The following TNS2 variants were observed in gnomAD, a reference collection of about 807,000 sequenced individuals.
The protein encoded by TNS2 is tensin-2.
Under a neutral mutation model 155.7 loss-of-function variants are expected in TNS2, and 77 were observed. That is an observed-to-expected ratio of 0.49 (90% CI 0.41 to 0.60). TNS2 has a LOEUF of 0.60. TNS2 is among the 20% of genes least tolerant of loss of function. TNS2 has a pLI of 0.00. For synonymous variants in TNS2, 726 were observed against 763.9 expected (o/e 0.95, Z 0.82); for missense variants, 1,703 against 1,868.8 (o/e 0.91, Z 1.64).
At position 53,057,608 on chromosome 12, in the gene TNS2, G is replaced by T. The variant is rs1944205186; in HGVS notation, c.887G>T (p.Arg296Ile). Residue 296 changes from arginine to isoleucine, a missense_variant, in exon 12 of 29, where the codon AGA (arginine) becomes ATA (isoleucine). Transcript: ENST00000314250. ...AGTGGGCTGCTATCTGGCTCCATCA[G>T]AATGAACAGCAGCCCTCTCTTCCTG... ...YFSGLLSGSI[R>I]MNSSPLFLHY... The T allele has an allele frequency of 6.2e-7, 1 of 1,613,828 alleles. No homozygotes were observed. Among genetic ancestry groups the T allele is most frequent in the Non-Finnish European group, 8.5e-7 (1 of 1,179,886 alleles).
rs151178618 is a variant in TNS2 at position 53,060,736 on chromosome 12, G to A, written c.2830G>A (p.Glu944Lys). The change falls in exon 20 of 29, where the codon GAG (glutamate) becomes AAG (lysine). Residue 944 changes from glutamate to lysine, a missense_variant. Transcript: ENST00000314250. The surrounding 1 kb of genome is among the most constrained non-coding windows in gnomAD (Gnocchi z 6.1). ...SAPTQRLSPG[E>K]ALPPVSQAGT... ...GCCCACTCAGAGACTGAGTCCTGGC[G>A]AGGCCTTGCCCCCTGTTTCCCAGGC... 13 of 1,608,392 alleles carry A rather than the reference G, an allele frequency of 8.1e-6. No homozygotes were observed. Among genetic ancestry groups the A allele is most frequent in the East Asian group, 4.5e-5 (2 of 44,832 alleles).
intron 1 of TNS2, 128 bp from the exon 2 acceptor site, chr12:53,051,727 T>C: frequency 1.4e-6 from 1 of 710,028 alleles, no homozygotes; most frequent in Non-Finnish European, 2.4e-6. Flanking sequence ...AAGTGCGTCC[T>C]ACAAGTTTGA....
In TNS2 at chr12:53,055,580, G is replaced by T. The variant is rs765500496; in HGVS notation, c.586G>T (p.Gly196Cys). ...GCATTCTCCCCAGGTTCAAGACTTC[G>T]GCTGGCCTGAGCTGCATGCTCCACC... ...TRLNPKVQDFGWPELHAPPLD... is the reference protein window; with the variant it reads ...TRLNPKVQDFCWPELHAPPLD... Residue 196 changes from glycine (G) to cysteine (C), a missense_variant, in exon 9 of 29, where the codon GGC (glycine) becomes TGC (cysteine). Coordinates refer to ENST00000314250, the MANE Select transcript of TNS2 (RefSeq NM_170754.4). The T allele has an allele frequency of 3.7e-6, 6 of 1,604,848 alleles. No homozygotes were observed. The highest frequency in any genetic ancestry group is 5.1e-6 in the Non-Finnish European group (6 of 1,173,032).
chr12:53,055,860 G>T lies in TNS2; in HGVS notation c.761+15G>T. 6.2e-7 allele frequency: 1 copy of T among 1,603,702 alleles called. No homozygotes were observed. Among genetic ancestry groups the T allele is most frequent in the Non-Finnish European group, 8.5e-7 (1 of 1,173,574 alleles). ...ATCTCTGCAGGGTGAGGCTCCCAGC[G>T]CCTGAGTAGCTGCTTCCCCAGTGGC... On this transcript the variant is annotated intron_variant, in intron 10 of 28. Transcript: ENST00000314250.
chr12:53,049,185 G>C, upstream of TNS2: 1 of 1,596,022 alleles, frequency 6.3e-7, no homozygotes, highest in Non-Finnish European at 8.5e-7. Flanking sequence ...GGGACCTCCT[G>C]TCCAGTCCTC....
Position 53,058,748 on chromosome 12 carries a change from C to T in TNS2, c.1326C>T (p.Val442=), listed in dbSNP as rs142054380. The change falls in exon 17 of 29, where the codon GTC becomes GTT. Residue 442 remains valine, a synonymous_variant. Coordinates refer to ENST00000314250, the MANE Select transcript of TNS2 (RefSeq NM_170754.4). ...CACGGAACGACCCCTCGGTCTCTGT[C>T]GACTACAACACCACTGAGCCAGCCG... ...STPRNDPSVS[V]DYNTTEPAVR... 68 of 1,613,980 alleles carry T rather than the reference C, an allele frequency of 4.2e-5. No homozygotes were observed. The African/African-American group carries it at 8.3e-4, about 20-fold the overall frequency.
chr12:53,058,538 AG>A, intron 15 of TNS2, 33 bp from the exon 16 acceptor site: 1 of 1,613,940 alleles, frequency 6.2e-7, no homozygotes, highest in Non-Finnish European at 8.5e-7. Context: ...GGTATGGGCC[AG>A]GGGCCTGGTT....
intron 1 of TNS2, among the ~76,000 whole-genome samples, chr12:53,051,173 G>C (rs967557932): frequency 6.6e-6 from 1 of 152,192 alleles, no homozygotes; most frequent in African/African-American, 2.4e-5. Context: ...CAAGTGCCAG[G>C]GTGCAGGGGG....
At chr12:53,049,350 A>G, upstream of TNS2, 1 of 996,594 alleles carries the variant, frequency 1.0e-6, no homozygotes, top group Non-Finnish European at 1.5e-6. Flanking sequence ...CTGTGAGATC[A>G]TGTCTGAAAC....
chr12:53,057,546 C>T (rs746777921), intron 11 of TNS2, 21 bp from the exon 12 acceptor site: 1 of 1,585,396 alleles, frequency 6.3e-7, no homozygotes, highest in East Asian at 2.2e-5. Context: ...CTTATGTTCT[C>T]CTTGACACGC....
Position 53,060,830 on chromosome 12 carries a change from C to G in TNS2, c.2924C>G (p.Ser975Cys). The stretch of plus-strand genomic sequence containing the variant: ...GAGCCTCTGGCCCCTAGCCCAGTCT[C>G]TCCGACCTTCCCTCCCAGCTCGCCC... ...GPEPLAPSPV[S>C]PTFPPSSPSD... Residue 975 changes from serine (S) to cysteine (C), a missense_variant, in exon 20 of 29, where the codon TCT (serine) becomes TGT (cysteine). Coordinates refer to ENST00000314250, the MANE Select transcript of TNS2 (RefSeq NM_170754.4). This position sits in a 1 kb window ranked among gnomAD's most constrained non-coding sequence, Gnocchi z 6.1. 1 of 1,604,864 alleles carries G rather than the reference C, an allele frequency of 6.2e-7. No homozygotes were observed. The highest frequency in any genetic ancestry group is 8.5e-7 in the Non-Finnish European group (1 of 1,173,568).
rs752823501 is a variant in TNS2, at chr12:53,061,147, G to C, written c.3241G>C (p.Gly1081Arg). The C allele has an allele frequency of 4.4e-6, 7 of 1,608,972 alleles. No individual in the cohort carries two copies. The highest frequency in any genetic ancestry group is 1.1e-5 in the South Asian group (1 of 90,390). The change falls in exon 20 of 29, where the codon GGG (glycine) becomes CGG (arginine). Residue 1081 changes from glycine to arginine, a missense_variant. Transcript: ENST00000314250. ...ACTTCCTGAGAAACGCCACCTGCCC[G>C]GGCCGGGGCAACAGCCAGGACCCTG... Reference protein sequence around the residue: ...PPLPEKRHLPGPGQQPGPWGP... With the variant: ...PPLPEKRHLPRPGQQPGPWGP...
rs1944472755 is a variant in TNS2 at position 53,064,171 on chromosome 12, AC to A, written c.*291del. The A allele has an allele frequency of 2.6e-6, 1 of 377,850 alleles. No homozygotes were observed. Among genetic ancestry groups the A allele is most frequent in the Non-Finnish European group, 4.8e-6 (1 of 206,792 alleles). 23.4% of individuals were successfully genotyped at this position (377,850 alleles called of 1,614,324 possible). A position where few individuals can be genotyped will look rare whatever the true frequency, so the allele number is the denominator to read the frequency against. On this transcript the variant is annotated 3_prime_UTR_variant, in exon 29 of 29. Transcript: ENST00000314250. ...GCCCCGAAGGAGATCAGGCAGCCCC[AC>A]CTGCAGGAGAACGTCAGCCCTCCAG...
At position 53,061,452 on chromosome 12, in the gene TNS2, A is replaced by G; in HGVS notation, c.3431A>G (p.His1144Arg). The G allele has an allele frequency of 1.2e-6, 2 of 1,613,922 alleles. No individual in the cohort carries two copies. The highest frequency in any genetic ancestry group is 1.7e-6 in the Non-Finnish European group (2 of 1,179,970). ...ACATCCAAGTTCTGGTACAAGCCACACCTGTCCCGTGACCAAGGTGAGAAG... is the reference window on the plus strand; with the variant it reads ...ACATCCAAGTTCTGGTACAAGCCACGCCTGTCCCGTGACCAAGGTGAGAAG... ...QDTSKFWYKP[H>R]LSRDQAIALL... Residue 1144 changes from histidine to arginine, a missense_variant, in exon 21 of 29, where the codon CAC (histidine) becomes CGC (arginine). Transcript: ENST00000314250.
chr12:53,063,686 AG>A lies in TNS2; in HGVS notation c.4092-57del. 1.9e-6 allele frequency: 3 copies of A among 1,614,076 alleles called. No individual in the cohort carries two copies. The South Asian group carries it at 3.3e-5, about 18-fold the overall frequency. On this transcript the variant is annotated intron_variant, in intron 28 of 28. Coordinates refer to ENST00000314250, the MANE Select transcript of TNS2 (RefSeq NM_170754.4). The surrounding 1 kb of genome is among the most constrained non-coding windows in gnomAD (Gnocchi z 5.6). ...GCATTTGATTTGTCTCACCAAGGCC[AG>A]CTACATTCCCTTGTGGAAGGAATGT...
chr12:53,059,031 C>T lies in TNS2; in HGVS notation c.1406-16C>T. ...TCCCCGCTTGCCCTCCCTCCCTGAT[C>T]CTCTTCCCCACTCAGGCTCCTTGAC... On this transcript the variant is annotated splice_polypyrimidine_tract_variant and intron_variant, in intron 17 of 28. Transcript: ENST00000314250. The surrounding 1 kb of genome is among the most constrained non-coding windows in gnomAD (Gnocchi z 4.7). 1 of 1,537,764 alleles carries T rather than the reference C, an allele frequency of 6.5e-7. No homozygotes were observed. Among genetic ancestry groups the T allele is most frequent in the Non-Finnish European group, 8.8e-7 (1 of 1,142,294 alleles).
chr12:53,055,668 A>G lies in TNS2; in HGVS notation c.674A>G (p.His225Arg), dbSNP rs556541486. The G allele has an allele frequency of 6.2e-7, 1 of 1,614,174 alleles. No individual in the cohort carries two copies. Among genetic ancestry groups the G allele is most frequent in the South Asian group, 1.1e-5 (1 of 91,086 alleles). ...METWLSADPQ[H>R]VVVLYCKGNK... is the part of the protein sequence containing the mutation. ...ACATGGCTCAGTGCTGACCCACAGC[A>G]CGTGGTCGTACTATACTGCAAGGTG... The change falls in exon 9 of 29, where the codon CAC becomes CGC. Residue 225 changes from histidine to arginine, a missense_variant. Physicochemically the swap from His to Arg is conservative, Grantham distance 29. Transcript: ENST00000314250.
In TNS2 at chr12:53,053,469, G is replaced by C; in HGVS notation, c.261+20G>C. The C allele has an allele frequency of 6.2e-7, 1 of 1,613,832 alleles. No homozygotes were observed. The highest frequency in any genetic ancestry group is 2.2e-5 in the East Asian group (1 of 44,870). ...GAGTTGGTGAGTGCGCTCTGGGATG[G>C]GGTGGGGAGGGCAAGGAACCTGGCC... On this transcript the variant is annotated intron_variant, in intron 4 of 28. Transcript: ENST00000314250.
At position 53,055,658 on chromosome 12, in the gene TNS2, G is replaced by T. The variant is rs938549690; in HGVS notation, c.664G>T (p.Asp222Tyr). 2.5e-6 allele frequency: 4 copies of T among 1,613,992 alleles called. No individual in the cohort carries two copies. The African/African-American group carries it at 5.3e-5, about 22-fold the overall frequency. ...CKAMETWLSADPQHVVVLYCK... is the reference protein window; with the variant it reads ...CKAMETWLSAYPQHVVVLYCK... ...AGCCATGGAGACATGGCTCAGTGCTGACCCACAGCACGTGGTCGTACTATA... is the reference window on the plus strand; with the variant it reads ...AGCCATGGAGACATGGCTCAGTGCTTACCCACAGCACGTGGTCGTACTATA... The change falls in exon 9 of 29, where the codon GAC becomes TAC. Residue 222 changes from aspartate (D) to tyrosine (Y), a missense_variant. Physicochemically the swap from Asp to Tyr is radical, Grantham distance 160. Coordinates refer to ENST00000314250, the MANE Select transcript of TNS2 (RefSeq NM_170754.4).
Sources: allele counts gnomAD v4.1 joint callset (sites outside exome capture counted in the v4.1 genomes callset), GRCh38; gene constraint gnomAD v4.1.1; non-coding constraint Gnocchi (gnomAD v3.1); transcripts MANE v1.5; gene names NCBI Gene and HGNC (gene_info 2026-07-23, HGNC 2026-07-21).